The following GLP2R variants were observed in gnomAD, a reference collection of about 807,000 sequenced individuals.
GLP2R encodes glucagon like peptide 2 receptor.
GLP2R carries 59 observed loss-of-function variants against 68.2 expected under a neutral mutation model. The ratio of observed to expected loss-of-function variants is 0.87; its 90% confidence interval spans 0.70 to 1.07. GLP2R has a LOEUF of 1.07. Ranked by LOEUF, GLP2R falls within the 50% of genes least tolerant of loss-of-function variation. GLP2R has a pLI of 0.00. For synonymous variants in GLP2R, 270 were observed against 265.4 expected (o/e 1.02, Z -0.17); for missense variants, 548 against 677.4 (o/e 0.81, Z 2.12).
In GLP2R at chr17:9,860,135, G is replaced by A; in HGVS notation, c.925+34G>A. On this transcript the variant is annotated intron_variant, in intron 7 of 12. Coordinates refer to ENST00000262441, the MANE Select transcript of GLP2R (RefSeq NM_004246.3). ...CCTGACCTTCAGCTTCCTTTCCTGG[G>A]GATCCATCAAAATATGGGAGCCTGA... is the stretch of plus-strand genomic sequence containing the variant. The A allele has an allele frequency of 2.6e-6, 4 of 1,540,508 alleles. No homozygotes were observed. In the South Asian group the frequency reaches 4.8e-5, roughly 19 times the overall value.
chr17:9,827,848 G>C (rs574996201), intron 1 of GLP2R, among the ~76,000 whole-genome samples: 1 of 151,562 alleles, frequency 6.6e-6, no homozygotes, highest in African/African-American at 2.4e-5. Flanking sequence ...TGTAATGCCA[G>C]TTGCTCAGGA....
chr17:9,877,966 A>G (rs2067157332), intron 10 of GLP2R, among the ~76,000 whole-genome samples: 1 of 152,174 alleles, frequency 6.6e-6, no homozygotes, highest in Non-Finnish European at 1.5e-5. Context: ...TGTAAATCTA[A>G]AATTATTCCA....
In GLP2R at chr17:9,891,643, A is replaced by G. The variant is rs2067291620; in HGVS notation, c.*1938A>G. 1 of 152,226 alleles carries G rather than the reference A, an allele frequency of 6.6e-6. No homozygotes were observed. The highest frequency in any genetic ancestry group is 6.5e-5 in the Admixed American group (1 of 15,282). The allele number at this position is 152,226 out of a possible 1,614,324, so 9.4% of individuals were successfully genotyped here. The stretch of plus-strand genomic sequence containing the variant: ...ATGGGATCCCCACTTGTGTCACCCC[A>G]TAGTCCAGCCCTGGTTTTAGGATGG... On this transcript the variant is annotated 3_prime_UTR_variant, in exon 13 of 13. Transcript: ENST00000262441.
intron 7 of GLP2R, 150 bp downstream of exon 7, chr17:9,860,251 G>A: frequency 1.4e-6 from 1 of 699,072 alleles, no homozygotes; most frequent in South Asian, 2.0e-5. Context: ...AGAGGGGTAT[G>A]TGTGTGCACA....
chr17:9,870,657 G>A, intron 9 of GLP2R, 90 bp from the exon 10 acceptor site: 1 of 739,054 alleles, frequency 1.4e-6, no homozygotes, highest in Non-Finnish European at 2.5e-6. Flanking sequence ...TTGAACTGAT[G>A]GAACTGATGG....
At chr17:9,855,585 T>C (rs752535997) in intron 5 of GLP2R, among the ~76,000 whole-genome samples, 4 of 152,212 alleles carry the variant, frequency 2.6e-5, no homozygotes, top group Non-Finnish European at 4.4e-5. Flanking sequence ...CAGATGTCAA[T>C]TAGCTATCAA....
At chr17:9,844,668 CTTTTTTTTTTTTTTTTTTTTT>C (rs71139004) in intron 4 of GLP2R, among the ~76,000 whole-genome samples, 27 of 44,316 alleles carry the variant, frequency 6.1e-4, no homozygotes, top group Non-Finnish European at 9.3e-4. Flanking sequence ...CTACCTAATT[CTTTTTTTTTTTTTTTTTTTTT>C]TTTTTTTTTT....
chr17:9,882,593 T>G (rs1485363336), intron 11 of GLP2R, among the ~76,000 whole-genome samples: 1 of 152,200 alleles, frequency 6.6e-6, no homozygotes, highest in Non-Finnish European at 1.5e-5. Flanking sequence ...CAGGGAAGGC[T>G]TCAAACTGAA....
intron 4 of GLP2R, among the ~76,000 whole-genome samples, chr17:9,847,346 T>C (rs1384391083): frequency 6.6e-6 from 1 of 152,124 alleles, no homozygotes. Flanking sequence ...CTCGGCTCAC[T>C]GCAACCTCCG....
chr17:9,833,361 C>G (rs1709053426), intron 1 of GLP2R, among the ~76,000 whole-genome samples: 1 of 109,986 alleles, frequency 9.1e-6, no homozygotes, highest in African/African-American at 2.6e-5. Flanking sequence ...CTACTCAGAG[C>G]CTTTGAGCCT....
intron 11 of GLP2R, among the ~76,000 whole-genome samples, chr17:9,887,476 G>A (rs889377122): frequency 2.0e-4 from 31 of 152,176 alleles, no homozygotes; most frequent in African/African-American, 3.9e-4. Context: ...GCAGTGAGCC[G>A]AGGTTGAGCC....
rs373777005 is a variant in GLP2R, at chr17:9,839,165, T to C, written c.382+2690T>C. ...GTCTGGGAGAATGACATTGAGAGCATGCAGCTATTGGACACAGGAATGGAG... is the reference window on the plus strand; with the variant it reads ...GTCTGGGAGAATGACATTGAGAGCACGCAGCTATTGGACACAGGAATGGAG... On this transcript the variant is annotated intron_variant, in intron 3 of 12. Coordinates refer to ENST00000262441, the MANE Select transcript of GLP2R (RefSeq NM_004246.3). Among the ~76,000 whole-genome samples the C allele has an allele frequency of 8.5e-5, 13 of 152,242 alleles. 1 individual carries two copies. In the East Asian group the frequency reaches 2.5e-3, roughly 29 times the overall value.
chr17:9,857,468 T>C lies in GLP2R; in HGVS notation c.657T>C (p.Ala219=). 1 of 1,614,230 alleles carries C rather than the reference T, an allele frequency of 6.2e-7. No individual in the cohort carries two copies. Among genetic ancestry groups the C allele is most frequent in the South Asian group, 1.1e-5 (1 of 91,080 alleles). The change falls in exon 6 of 13, where the codon GCT becomes GCC. Residue 219 remains alanine, a synonymous_variant. Coordinates refer to ENST00000262441, the MANE Select transcript of GLP2R (RefSeq NM_004246.3). Reference sequence around the variant, plus strand: ...ACTACATCCACATGAACTTGTTTGCTTCTTTCATCCTGAGAACCCTGGCTG... The same window carrying C: ...ACTACATCCACATGAACTTGTTTGCCTCTTTCATCCTGAGAACCCTGGCTG... The part of the protein sequence containing the change: ...TRNYIHMNLF[A]SFILRTLAVL...
chr17:9,879,237 A>G (rs1339815897), intron 10 of GLP2R, among the ~76,000 whole-genome samples: 2 of 150,040 alleles, frequency 1.3e-5, no homozygotes, highest in Admixed American at 6.7e-5. Flanking sequence ...CTGGGCAACA[A>G]CATAAGATCC....
chr17:9,850,944 G>C (rs565734742), intron 4 of GLP2R, among the ~76,000 whole-genome samples: 2 of 151,944 alleles, frequency 1.3e-5, no homozygotes, highest in East Asian at 3.9e-4. Context: ...CCTCCTGCCT[G>C]GGCCTCCCAA....
chr17:9,846,281 A>T (rs1277594013), intron 4 of GLP2R, among the ~76,000 whole-genome samples: 1 of 152,224 alleles, frequency 6.6e-6, no homozygotes, highest in Non-Finnish European at 1.5e-5. Context: ...TATGAGGGAT[A>T]GACCAAGGGG....
chr17:9,877,608 T>C (rs2067152465), intron 10 of GLP2R, among the ~76,000 whole-genome samples: 1 of 152,012 alleles, frequency 6.6e-6, no homozygotes. Flanking sequence ...GGGGAAACTA[T>C]GCCGGGGGCG....
intron 1 of GLP2R, among the ~76,000 whole-genome samples, chr17:9,830,146 C>G (rs1351315909): frequency 6.6e-6 from 1 of 152,238 alleles, no homozygotes; most frequent in African/African-American, 2.4e-5. Flanking sequence ...CTCTCCTAGA[C>G]TGACAAAATT....
chr17:9,832,111 C>T (rs1285805700), intron 1 of GLP2R, among the ~76,000 whole-genome samples: 1 of 152,126 alleles, frequency 6.6e-6, no homozygotes, highest in Non-Finnish European at 1.5e-5. Flanking sequence ...ACAATAGGTG[C>T]CTGATGAACA....
Sources: allele counts gnomAD v4.1 joint callset (sites outside exome capture counted in the v4.1 genomes callset), GRCh38; gene constraint gnomAD v4.1.1; transcripts MANE v1.5; gene names NCBI Gene and HGNC (gene_info 2026-07-23, HGNC 2026-07-21).